Variants in MAGI1 observed in about 807,000 individuals in gnomAD.
MAGI1 encodes membrane associated guanylate kinase, WW and PDZ domain containing 1.
MAGI1 carries 58 observed loss-of-function variants against 139.9 expected under a neutral mutation model. The ratio of observed to expected loss-of-function variants is 0.41; its 90% CI spans 0.34 to 0.52. The LOEUF (loss-of-function observed/expected upper bound fraction) is 0.52. Among genes scored for constraint, MAGI1 ranks in the 20% least tolerant of loss-of-function variants. The pLI, the probability that MAGI1 is intolerant of heterozygous loss-of-function variation, is 0.12. For missense variants in MAGI1, 1,874 were observed against 1,901.6 expected (o/e 0.99, Z 0.27); for synonymous variants, 812 against 737.9 (o/e 1.10, Z -1.63).
chr3:65,864,217 A>G (rs529074740), intron 1 of MAGI1, among the ~76,000 whole-genome samples: 2 of 152,328 alleles, frequency 1.3e-5, no homozygotes, highest in African/African-American at 4.8e-5. Context: ...ACACAGACAT[A>G]GAGAAACGTA....
intron 1 of MAGI1, among the ~76,000 whole-genome samples, chr3:65,788,226 G>A (rs114037512): frequency 8.5e-5 from 13 of 152,226 alleles, no homozygotes; most frequent in South Asian, 2.1e-4. Context: ...AAGGTTTTTC[G>A]AATGTTTTTC....
intron 1 of MAGI1, among the ~76,000 whole-genome samples, chr3:65,736,025 A>T (rs779384795): frequency 1.4e-4 from 22 of 152,208 alleles, no homozygotes; most frequent in Non-Finnish European, 2.9e-4. Flanking sequence ...ATCTCTAAAG[A>T]CACTGCTCTT....
chr3:65,912,511 T>A (rs1191899366), intron 1 of MAGI1, among the ~76,000 whole-genome samples: 2 of 152,160 alleles, frequency 1.3e-5, no homozygotes, highest in African/African-American at 4.8e-5. Context: ...AGTACATGTT[T>A]AAACAAACAA....
At chr3:65,659,268 T>C (rs761444295) in intron 1 of MAGI1, among the ~76,000 whole-genome samples, 1 of 152,044 alleles carries the variant, frequency 6.6e-6, no homozygotes, top group African/African-American at 2.4e-5. Flanking sequence ...CACAGGAGAA[T>C]GGAAAATTCC....
At position 65,586,280 on chromosome 3, in the gene MAGI1, C is replaced by A. The variant is rs1033129107; in HGVS notation, c.430+35692G>T. On this transcript the variant is annotated intron_variant, in intron 2 of 22. Coordinates refer to ENST00000402939, the MANE Select transcript of MAGI1 (RefSeq NM_001033057.2). Reference sequence around the variant, plus strand: ...AAGTGAGAAAAGCTAAATCTAATACCTTTATACACTAGATTATCCCACTTA... The same window carrying A: ...AAGTGAGAAAAGCTAAATCTAATACATTTATACACTAGATTATCCCACTTA... Among the ~76,000 whole-genome samples, 9 of 151,422 alleles carry A rather than the reference C, an allele frequency of 5.9e-5. No individual in the cohort carries two copies. In the East Asian group the frequency reaches 1.7e-3, roughly 29 times the overall value.
intron 2 of MAGI1, among the ~76,000 whole-genome samples, chr3:65,606,445 A>ATCC (rs1411130515): frequency 1.3e-5 from 2 of 152,224 alleles, no homozygotes; most frequent in Admixed American, 1.3e-4. Flanking sequence ...GGCTCAAGCA[A>ATCC]TCCTCCCACC....
intron 4 of MAGI1, among the ~76,000 whole-genome samples, chr3:65,477,714 T>TTTA (rs1553650547): frequency 2.8e-5 from 3 of 107,340 alleles, no homozygotes; most frequent in African/African-American, 1.1e-4. Context: ...TATTATTATT[T>TTTA]TTTTTTTTTT....
intron 1 of MAGI1, among the ~76,000 whole-genome samples, chr3:65,846,904 G>A (rs1466917809): frequency 1.5e-5 from 2 of 134,732 alleles, no homozygotes; most frequent in African/African-American, 5.9e-5. Flanking sequence ...ATCCTCTGGG[G>A]TCCTACTCCC....
At chr3:66,020,901 G>A (rs777275939) in intron 1 of MAGI1, among the ~76,000 whole-genome samples, 5 of 152,060 alleles carry the variant, frequency 3.3e-5, no homozygotes, top group East Asian at 3.9e-4. Context: ...GACAATGAGC[G>A]CACTACCATA....
At chr3:65,382,177 T>G in intron 15 of MAGI1, 108 bp from the exon 16 acceptor site, 1 of 918,724 alleles carries the variant, frequency 1.1e-6, no homozygotes. Flanking sequence ...TCTGCAGGCA[T>G]GCCGCAAACA....
intron 1 of MAGI1, among the ~76,000 whole-genome samples, chr3:66,032,701 T>A (rs1000462079): frequency 9.9e-5 from 15 of 151,562 alleles, no homozygotes; most frequent in Admixed American, 7.9e-4. Flanking sequence ...GCAGGCAGAT[T>A]GCCTGAGCTC....
intron 5 of MAGI1, among the ~76,000 whole-genome samples, chr3:65,463,557 AATGTGTGTGTGT>A (rs1949958405): frequency 2.3e-5 from 2 of 88,274 alleles, no homozygotes; most frequent in Admixed American, 2.6e-4. Flanking sequence ...ATTGGCCTGA[AATGTGTGTGTGT>A]GTGTGTGTGT....
chr3:65,397,530 T>C (rs943898174), intron 13 of MAGI1, among the ~76,000 whole-genome samples: 1 of 136,324 alleles, frequency 7.3e-6, no homozygotes, highest in Non-Finnish European at 1.6e-5. Flanking sequence ...TTTTGTAGGA[T>C]TTTTTTTTTT....
At chr3:65,930,909 T>A (rs1008474531) in intron 1 of MAGI1, among the ~76,000 whole-genome samples, 7 of 152,152 alleles carry the variant, frequency 4.6e-5, no homozygotes, top group African/African-American at 1.7e-4. Context: ...GCCCCTTTCC[T>A]GGAAAACTCA....
At chr3:65,810,995 A>C (rs1436272180) in intron 1 of MAGI1, among the ~76,000 whole-genome samples, 1 of 152,224 alleles carries the variant, frequency 6.6e-6, no homozygotes, top group Non-Finnish European at 1.5e-5. Context: ...TTCTAAACAA[A>C]AGATTGATAA....
intron 1 of MAGI1, among the ~76,000 whole-genome samples, chr3:65,919,481 G>A (rs2062065272): frequency 6.6e-6 from 1 of 151,892 alleles, no homozygotes; most frequent in South Asian, 2.1e-4. Flanking sequence ...AGGATCTCTT[G>A]AGCCCAGGAG....
At chr3:65,463,557 AATGT>A (rs1949957788) in intron 5 of MAGI1, among the ~76,000 whole-genome samples, 1 of 88,274 alleles carries the variant, frequency 1.1e-5, no homozygotes, top group East Asian at 3.6e-4. Flanking sequence ...ATTGGCCTGA[AATGT>A]GTGTGTGTGT....
At chr3:65,436,136 T>C (rs1947831152) in intron 10 of MAGI1, among the ~76,000 whole-genome samples, 1 of 152,164 alleles carries the variant, frequency 6.6e-6, no homozygotes, top group Non-Finnish European at 1.5e-5. Context: ...CTAATTCTAA[T>C]CTAGTGACAA....
At chr3:65,495,428 AC>A (rs1428848112) in intron 2 of MAGI1, among the ~76,000 whole-genome samples, 1 of 152,168 alleles carries the variant, frequency 6.6e-6, no homozygotes, top group African/African-American at 2.4e-5. Flanking sequence ...GTTATTATAT[AC>A]ATATAAATAT....
Sources: gnomAD v4.1 joint callset for allele counts (sites outside exome capture counted in the v4.1 genomes callset) on GRCh38, gnomAD v4.1.1 for gene constraint, MANE v1.5 for transcripts, NCBI Gene and HGNC (gene_info 2026-07-23, HGNC 2026-07-21) for gene names.